CAB39L: variants seen among roughly 807,000 people sequenced by gnomAD.
The protein encoded by CAB39L is calcium-binding protein 39-like.
Under a neutral mutation model 39.1 loss-of-function variants are expected in CAB39L, and 23 were observed. The ratio of observed to expected loss-of-function variants is 0.59; its 90% CI spans 0.42 to 0.83. The LOEUF (loss-of-function observed/expected upper bound fraction) is 0.83, where lower values mean the gene tolerates loss of function less well. Among genes scored for constraint, CAB39L ranks in the 40% least tolerant of loss-of-function variants. CAB39L has a pLI of 0.00. For synonymous variants in CAB39L, 126 were observed against 137.2 expected, an observed-to-expected ratio of 0.92 and a Z score of 0.57; for missense variants, 366 against 391.9, an observed-to-expected ratio of 0.93 and a Z score of 0.56.
intron 3 of CAB39L, chr13:49,420,616 G>C (rs1182828564): frequency 2.0e-5 from 3 of 152,442 alleles, no homozygotes; most frequent in Admixed American, 2.0e-4. Flanking sequence ...GGGGCTTCTG[G>C]GTAGACATAT....
chr13:49,408,561 T>C (rs1956928313), intron 3 of CAB39L, among the ~76,000 whole-genome samples: 1 of 152,144 alleles, frequency 6.6e-6, no homozygotes, highest in South Asian at 2.1e-4. Context: ...TGGCTGGGCG[T>C]AGTGGCTCAC....
chr13:49,338,456 T>A (rs12872312), intron 9 of CAB39L, among the ~76,000 whole-genome samples: 7 of 130,700 alleles, frequency 5.4e-5, no homozygotes, highest in Admixed American at 9.1e-5. Flanking sequence ...AACAATGAGA[T>A]CACATGGACA....
intron 1 of CAB39L, among the ~76,000 whole-genome samples, chr13:49,443,672 T>A (rs994036685): frequency 6.6e-6 from 1 of 152,086 alleles, no homozygotes; most frequent in African/African-American, 2.4e-5. Context: ...GAACCAATGT[T>A]AAGGCATCAA....
intron 3 of CAB39L, among the ~76,000 whole-genome samples, chr13:49,413,480 A>AT (rs1161359572): frequency 6.6e-6 from 1 of 152,200 alleles, no homozygotes; most frequent in Non-Finnish European, 1.5e-5. Context: ...GCATAGGAAA[A>AT]TTTTTTAGCA....
chr13:49,331,161 C>T (rs1227785627), intron 10 of CAB39L, among the ~76,000 whole-genome samples: 7 of 152,034 alleles, frequency 4.6e-5, no homozygotes, highest in African/African-American at 1.7e-4. Context: ...ACCTACCCCA[C>T]CTGTTAAAAA....
chr13:49,433,275 C>T (rs906016664), intron 3 of CAB39L, 43 bp downstream of exon 3: 5 of 426,164 alleles, frequency 1.2e-5, no homozygotes, highest in East Asian at 1.4e-4. Context: ...ACACGTCTGT[C>T]GAGAGCACTT....
chr13:49,383,060 GA>G, intron 3 of CAB39L, 119 bp from the exon 4 acceptor site: 2 of 423,774 alleles, frequency 4.7e-6, no homozygotes, highest in South Asian at 4.6e-5. Flanking sequence ...CATTAAAAGT[GA>G]TCAAATTAAA....
At chr13:49,374,835 C>T (rs1291567351) in intron 5 of CAB39L, among the ~76,000 whole-genome samples, 1 of 152,204 alleles carries the variant, frequency 6.6e-6, no homozygotes, top group Non-Finnish European at 1.5e-5. Flanking sequence ...CCTTCTAGCA[C>T]TCCACTGCAA....
At chr13:49,329,542 AAAATATAT>A (rs1351001168) in intron 10 of CAB39L, among the ~76,000 whole-genome samples, 20 of 38,368 alleles carry the variant, frequency 5.2e-4, no homozygotes, top group Admixed American at 1.9e-3. Context: ...ATTAAAAAAA[AAAATATAT>A]ATATATATAT....
At chr13:49,365,116 C>T (rs1183017476) in intron 5 of CAB39L, among the ~76,000 whole-genome samples, 1 of 151,374 alleles carries the variant, frequency 6.6e-6, no homozygotes, top group East Asian at 1.9e-4. Context: ...ACCAATGGAA[C>T]AGAACAAAGA....
intron 7 of CAB39L, among the ~76,000 whole-genome samples, chr13:49,345,730 C>G (rs1348298981): frequency 1.3e-5 from 2 of 152,044 alleles, no homozygotes; most frequent in African/African-American, 2.4e-5. Context: ...AGGGAGCCCC[C>G]TCTATGGGCT....
chr13:49,395,992 C>A (rs1302949676), intron 3 of CAB39L, among the ~76,000 whole-genome samples: 7 of 151,400 alleles, frequency 4.6e-5, no homozygotes, highest in African/African-American at 1.7e-4. Context: ...AGGCCAGGTG[C>A]GGTAGCTCAC....
chr13:49,367,912 C>T (rs1414788454), intron 5 of CAB39L, among the ~76,000 whole-genome samples: 1 of 143,246 alleles, frequency 7.0e-6, no homozygotes, highest in Non-Finnish European at 1.5e-5. Context: ...GCCTGGGTGA[C>T]AGCGTGAGAC....
chr13:49,363,439 T>C (rs1955685541), intron 5 of CAB39L, among the ~76,000 whole-genome samples: 1 of 151,984 alleles, frequency 6.6e-6, no homozygotes, highest in African/African-American at 2.4e-5. Context: ...TTTAAAACAA[T>C]GGGCTATAAG....
Position 49,331,979 on chromosome 13 carries a change from T to C in CAB39L, c.802A>G (p.Asn268Asp), listed in dbSNP as rs1278742867. The C allele has an allele frequency of 1.9e-6, 3 of 1,614,166 alleles. No homozygotes were observed. Among genetic ancestry groups the C allele is most frequent in the Non-Finnish European group, 1.7e-6 (2 of 1,180,008 alleles). The change falls in exon 10 of 11, where the codon AAC (asparagine) becomes GAC (aspartate). Residue 268 changes from asparagine to aspartate, a missense_variant. Transcript: ENST00000409308. ...MMNLLRDKSP[N>D]IQFEAFHVFK... is the part of the protein sequence containing the mutation. The stretch of plus-strand genomic sequence containing the variant: ...ACATGAAAGGCTTCAAACTGGATGT[T>C]GGGACTTTTATCCCGAAGGAGGTTC...
intron 10 of CAB39L, among the ~76,000 whole-genome samples, chr13:49,330,437 C>A (rs745321447): frequency 6.6e-6 from 1 of 151,974 alleles, no homozygotes; most frequent in Admixed American, 6.6e-5. Flanking sequence ...CCAGCCTGGG[C>A]AACACAGCAA....
chr13:49,363,330 G>A (rs1009868963), intron 5 of CAB39L, among the ~76,000 whole-genome samples: 11 of 152,034 alleles, frequency 7.2e-5, no homozygotes, highest in Non-Finnish European at 1.5e-4. Context: ...GAGAAACAAC[G>A]AAAAGTTAAA....
intron 3 of CAB39L, among the ~76,000 whole-genome samples, chr13:49,429,490 A>G (rs1957288045): frequency 6.6e-6 from 1 of 152,166 alleles, no homozygotes; most frequent in Non-Finnish European, 1.5e-5. Flanking sequence ...CTCATAGTCA[A>G]TCCTATCAAA....
chr13:49,415,498 G>A (rs527670937), intron 3 of CAB39L, among the ~76,000 whole-genome samples: 1 of 150,854 alleles, frequency 6.6e-6, no homozygotes, highest in East Asian at 2.0e-4. Flanking sequence ...TCCAGTCTGG[G>A]TGACAGAGCA....
Sources: allele counts gnomAD v4.1 joint callset (sites outside exome capture counted in the v4.1 genomes callset), GRCh38; gene constraint gnomAD v4.1.1; transcripts MANE v1.5; gene names NCBI Gene and HGNC (gene_info 2026-07-23, HGNC 2026-07-21).